Variants in FNBP1 observed in about 807,000 individuals in gnomAD.
FNBP1 encodes formin-binding protein 1.
Under a neutral mutation model 90.6 loss-of-function variants are expected in FNBP1, and 26 were observed. The ratio of observed to expected loss-of-function variants is 0.29; its 90% CI spans 0.21 to 0.40. The LOEUF (loss-of-function observed/expected upper bound fraction) is 0.40, where lower values mean the gene tolerates loss of function less well. Among genes scored for constraint, FNBP1 ranks in the 10% least tolerant of loss-of-function variants. FNBP1 has a pLI of 1.00. For synonymous variants in FNBP1, 260 were observed against 265.2 expected (o/e 0.98, Z 0.19); for missense variants, 635 against 768.0 (o/e 0.83, Z 2.05).
chr9:130,024,732 T>C (rs1589336256), intron 1 of FNBP1, among the ~76,000 whole-genome samples: 2 of 152,330 alleles, frequency 1.3e-5, no homozygotes, highest in Middle Eastern at 6.8e-3. Flanking sequence ...CATCCTGTTT[T>C]TCATTTCCAT....
intron 2 of FNBP1, 106 bp from the exon 3 acceptor site, chr9:129,979,480 A>C: frequency 9.2e-6 from 7 of 757,604 alleles, no homozygotes; most frequent in Non-Finnish European, 1.5e-5. Flanking sequence ...AACAAACAAA[A>C]AAAGTCCACA....
intron 1 of FNBP1, among the ~76,000 whole-genome samples, chr9:130,039,918 C>T (rs578029655): frequency 9.9e-5 from 15 of 152,178 alleles, no homozygotes; most frequent in Non-Finnish European, 2.1e-4. Flanking sequence ...AAGCTGCAAC[C>T]ACCTGTTACA....
At chr9:129,947,007 C>A (rs1289118236) in intron 6 of FNBP1, among the ~76,000 whole-genome samples, 1 of 152,194 alleles carries the variant, frequency 6.6e-6, no homozygotes, top group Non-Finnish European at 1.5e-5. Flanking sequence ...AGCCTCTCAT[C>A]CAAGTTTGTA....
intron 7 of FNBP1, among the ~76,000 whole-genome samples, chr9:129,928,242 G>A (rs191906312): frequency 6.6e-6 from 1 of 152,202 alleles, no homozygotes; most frequent in African/African-American, 2.4e-5. Flanking sequence ...CCAAAAGAAA[G>A]AACTGTCATT....
At chr9:129,948,900 C>T (rs1014053220) in intron 6 of FNBP1, among the ~76,000 whole-genome samples, 7 of 151,710 alleles carry the variant, frequency 4.6e-5, no homozygotes, top group African/African-American at 1.7e-4. Flanking sequence ...AGAGTAACTA[C>T]CTCTGAGAAG....
chr9:130,000,171 T>C (rs938906148), intron 1 of FNBP1, among the ~76,000 whole-genome samples: 1 of 152,220 alleles, frequency 6.6e-6, no homozygotes, highest in African/African-American at 2.4e-5. Flanking sequence ...TATATGATCA[T>C]GTAAATTATT....
At chr9:129,951,867 GTGAACT>G (rs924838054) in intron 6 of FNBP1, among the ~76,000 whole-genome samples, 24 of 152,166 alleles carry the variant, frequency 1.6e-4, no homozygotes, top group Admixed American at 1.4e-3. Context: ...TCTTTTAACA[GTGAACT>G]TGAACAATAC....
At chr9:130,003,462 C>G (rs2055166037) in intron 1 of FNBP1, among the ~76,000 whole-genome samples, 1 of 152,044 alleles carries the variant, frequency 6.6e-6, no homozygotes, top group South Asian at 2.1e-4. Context: ...AAAAAATGAG[C>G]CAGGAGTGGA....
At chr9:130,036,477 T>C (rs2059323535) in intron 1 of FNBP1, among the ~76,000 whole-genome samples, 1 of 152,240 alleles carries the variant, frequency 6.6e-6, no homozygotes. Flanking sequence ...TTCAGGATTC[T>C]GTCTAATGTA....
At chr9:129,944,325 G>A (rs547106592) in intron 6 of FNBP1, among the ~76,000 whole-genome samples, 2 of 151,982 alleles carry the variant, frequency 1.3e-5, no homozygotes, top group Admixed American at 6.6e-5. Flanking sequence ...GGAGGATCAC[G>A]AGGTCAAGAG....
intron 13 of FNBP1, among the ~76,000 whole-genome samples, chr9:129,902,184 A>G (rs1462195549): frequency 6.6e-6 from 1 of 152,116 alleles, no homozygotes; most frequent in East Asian, 1.9e-4. Context: ...TGAGAGAACA[A>G]TTGTATATTT....
intron 4 of FNBP1, 36 bp downstream of exon 4, chr9:129,978,429 A>C: frequency 6.3e-7 from 1 of 1,577,642 alleles, no homozygotes; most frequent in Non-Finnish European, 8.7e-7. Context: ...TGTTTGGTCC[A>C]TCTTTTAGGA....
At chr9:129,932,947 T>C (rs1224840765) in intron 6 of FNBP1, among the ~76,000 whole-genome samples, 1 of 152,150 alleles carries the variant, frequency 6.6e-6, no homozygotes, top group African/African-American at 2.4e-5. Context: ...TTTCATCATG[T>C]ATCATTTCGC....
At chr9:129,916,053 A>C (rs936143792) in intron 10 of FNBP1, 73 bp from the exon 11 acceptor site, 23 of 1,072,676 alleles carry the variant, frequency 2.1e-5, no homozygotes, top group East Asian at 1.2e-4. Context: ...AAAAACAACA[A>C]CACATCAGAA....
chr9:129,918,871 G>GA lies in FNBP1; in HGVS notation c.1171-2892dup, dbSNP rs1210624544. On this transcript the variant is annotated intron_variant, in intron 10 of 16. Transcript: ENST00000446176. ...TTTTACCAGAACTAGAATGAAAAGA[G>GA]AAAAACAAAAAAAAAAACAAAAAAA... 15 of 155,696 alleles carry GA rather than the reference G, an allele frequency of 9.6e-5. No individual in the cohort carries two copies. In the South Asian group the frequency reaches 1.0e-3, roughly 11 times the overall value. The allele number at this position is 155,696 out of a possible 1,614,324, so 9.6% of individuals were successfully genotyped here.
In FNBP1 at chr9:129,889,889, G is replaced by A. The variant is rs1463189081; in HGVS notation, c.*650C>T. 1 of 234,986 alleles carries A rather than the reference G, an allele frequency of 4.3e-6. No individual in the cohort carries two copies. Among genetic ancestry groups the A allele is most frequent in the Non-Finnish European group, 8.4e-6 (1 of 119,000 alleles). 14.6% of individuals were successfully genotyped at this position (234,986 alleles called of 1,614,324 possible). ...GTATGCGCACGCGTGTGTACTGGTG[G>A]GTGTGCCTGTGGGTGTGTGTGTACC... On this transcript the variant is annotated 3_prime_UTR_variant, in exon 17 of 17. Transcript: ENST00000446176.
At chr9:129,907,086 T>A (rs945996731) in intron 12 of FNBP1, among the ~76,000 whole-genome samples, 1 of 5,200 alleles carries the variant, frequency 1.9e-4, no homozygotes, top group African/African-American at 7.6e-4. Context: ...CCCAAGCACG[T>A]TTTTTTTTTT....
rs575818430 is a variant in FNBP1, at chr9:130,042,286, C to T, written c.24+666G>A. 2.0e-5 allele frequency among the ~76,000 whole-genome samples: 3 copies of T among 152,254 alleles called. No homozygotes were observed. Among genetic ancestry groups the T allele is most frequent in the Admixed American group, 6.5e-5 (1 of 15,282 alleles). ...CTTCCTGAGGTAGATCACGTAAGAT[C>T]TCTCCCTAACTCCCACTTTCCCCTC... is the stretch of plus-strand genomic sequence containing the variant. On this transcript the variant is annotated intron_variant, in intron 1 of 16. Transcript: ENST00000446176. This position sits in a 1 kb window ranked among gnomAD's most constrained non-coding sequence, Gnocchi z 5.5.
At chr9:129,942,329 C>G (rs1433502711) in intron 6 of FNBP1, among the ~76,000 whole-genome samples, 1 of 152,218 alleles carries the variant, frequency 6.6e-6, no homozygotes, top group Admixed American at 6.5e-5. Flanking sequence ...CATTACCACA[C>G]AGCTACAGAT....
Sources: gnomAD v4.1 joint callset for allele counts (sites outside exome capture counted in the v4.1 genomes callset) on GRCh38, gnomAD v4.1.1 for gene constraint, Gnocchi (gnomAD v3.1) non-coding constraint, MANE v1.5 for transcripts, NCBI Gene and HGNC (gene_info 2026-07-23, HGNC 2026-07-21) for gene names.